Variants in ZNF655 observed in about 807,000 individuals in gnomAD.
ZNF655 encodes zinc finger protein 655.
Under a neutral mutation model 6.6 loss-of-function variants are expected in ZNF655, and 3 were observed. That is an observed-to-expected ratio of 0.46 (90% confidence interval 0.21 to 1.18). The LOEUF (loss-of-function observed/expected upper bound fraction) is 1.18. Among genes scored for constraint, ZNF655 ranks in the 50% most tolerant of loss-of-function variants. The pLI is 0.24. For synonymous variants in ZNF655, 178 were observed against 195.0 expected (o/e 0.91, Z 0.73); for missense variants, 526 against 572.3 (o/e 0.92, Z 0.83).
rs1343576187 is a variant in ZNF655 at position 99,572,435 on chromosome 7, GGA to G, written c.335_336del (p.Glu112ValfsTer2). ...AAATTCTAAGGAAATTTCTGTACCT[GGA>G]GAGAGAGTTTAGGCAAATAACAATC... Reference protein sequence around the residue: ...QEILRKFLYLEREFRQITISK... With the variant: ...QEILRKFLYLXREFRQITISK... On this transcript the variant is annotated frameshift_variant, in exon 3 of 3. Transcript: ENST00000252713. LOFTEE classifies it low-confidence loss of function (END_TRUNC). 6.2e-7 allele frequency: 1 copy of G among 1,613,832 alleles called. No homozygotes were observed. The highest frequency in any genetic ancestry group is 8.5e-7 in the Non-Finnish European group (1 of 1,179,906).
chr7:99,564,780 A>T, intron 2 of ZNF655: 6 of 889,062 alleles, frequency 6.7e-6, no homozygotes, highest in Non-Finnish European at 8.1e-6. Flanking sequence ...CTATAGACTG[A>T]ACTTTATCCC....
rs762126543 is a variant in ZNF655, at chr7:99,572,443, A to C, written c.335A>C (p.Glu112Ala). ...ILRKFLYLER[E>A]FRQITISKET... ...AGGAAATTTCTGTACCTGGAGAGAG[A>C]GTTTAGGCAAATAACAATCAGCAAG... Residue 112 changes from glutamate to alanine, a missense_variant, in exon 3 of 3, where the codon GAG (glutamate) becomes GCG (alanine). Coordinates refer to ENST00000252713, the MANE Select transcript of ZNF655 (RefSeq NM_138494.3). 5 of 1,613,826 alleles carry C rather than the reference A, an allele frequency of 3.1e-6. No homozygotes were observed. The highest frequency in any genetic ancestry group is 3.3e-4 in the Middle Eastern group (2 of 6,056).
At chr7:99,571,938 A>T in intron 2 of ZNF655, 1 of 607,526 alleles carries the variant, frequency 1.6e-6, no homozygotes, top group South Asian at 2.5e-5. Context: ...AGTTAGGTTG[A>T]CCCTTTCCAT....
At chr7:99,564,001 A>G (rs1367526755) in intron 2 of ZNF655, 3 of 1,613,654 alleles carry the variant, frequency 1.9e-6, no homozygotes, top group Non-Finnish European at 2.5e-6. Context: ...TGGCCCAAGT[A>G]TCGGCTTCCC....
chr7:99,571,886 C>T (rs1029072953), intron 2 of ZNF655: 7 of 796,454 alleles, frequency 8.8e-6, no homozygotes, highest in African/African-American at 6.9e-5. Flanking sequence ...ATGAAGAGCT[C>T]TGTGTGTGTC....
chr7:99,568,320 G>A (rs1463921904), intron 2 of ZNF655, among the ~76,000 whole-genome samples: 2 of 145,572 alleles, frequency 1.4e-5, no homozygotes, highest in African/African-American at 5.1e-5. Flanking sequence ...GCGTGATCTC[G>A]GCTCACTGCA....
intron 2 of ZNF655, among the ~76,000 whole-genome samples, chr7:99,568,115 A>G (rs1357203823): frequency 6.6e-6 from 1 of 152,014 alleles, no homozygotes; most frequent in East Asian, 1.9e-4. Flanking sequence ...AGTTACTTTA[A>G]TATTTTGGAA....
chr7:99,573,555 C>T lies in ZNF655; in HGVS notation c.1447C>T (p.Gln483Ter), dbSNP rs1804238510. 6.2e-7 allele frequency: 1 copy of T among 1,605,552 alleles called. No individual in the cohort carries two copies. The highest frequency in any genetic ancestry group is 1.7e-5 in the Admixed American group (1 of 59,986). ...TCAGAGAGCACATCTAGTTCAACAT[C>T]AGAGCATTCATACCAAAGAGAACTC... The part of the protein sequence containing the change: ...SSQRAHLVQH[Q>*]SIHTKENS The change falls in exon 3 of 3, where the codon CAG becomes TAG. Residue 483 changes from glutamine (Q) to a stop codon, truncating the protein, a stop_gained. Transcript: ENST00000252713. LOFTEE classifies it high-confidence loss of function.
chr7:99,568,863 C>T (rs929721078), intron 2 of ZNF655, among the ~76,000 whole-genome samples: 3 of 152,156 alleles, frequency 2.0e-5, no homozygotes, highest in African/African-American at 7.2e-5. Flanking sequence ...TGGCTCTCTG[C>T]AGCCTCGGCC....
Position 99,575,548 on chromosome 7 carries a change from AAAAAAC to A in ZNF655, c.*1976_*1981del, listed in dbSNP as rs1804349407. The A allele has an allele frequency of 1.3e-5, 2 of 149,362 alleles. No individual in the cohort carries two copies. Among genetic ancestry groups the A allele is most frequent in the African/African-American group, 2.5e-5 (1 of 39,386 alleles). 9.3% of individuals were successfully genotyped at this position (149,362 alleles called of 1,614,324 possible). A position where few individuals can be genotyped will look rare whatever the true frequency, so the allele number is the denominator to read the frequency against. On this transcript the variant is annotated 3_prime_UTR_variant, in exon 3 of 3. Transcript: ENST00000252713. ...CAGGACTCTCTCTCAAAAAAACACA[AAAAAAC>A]AAAAACAAAAAACCATACACACACA...
At chr7:99,566,808 G>A (rs1243709847) in intron 2 of ZNF655, among the ~76,000 whole-genome samples, 1 of 152,178 alleles carries the variant, frequency 6.6e-6, no homozygotes, top group Non-Finnish European at 1.5e-5. Context: ...GCATGCCTCA[G>A]CTCCCCAGAG....
At chr7:99,562,030 G>T (rs961079812) in intron 2 of ZNF655, 4 of 1,418,434 alleles carry the variant, frequency 2.8e-6, no homozygotes, top group East Asian at 5.2e-5. Context: ...ATGGAGTGTG[G>T]CCTCTCTCTC....
chr7:99,566,519 A>G (rs538020548), intron 2 of ZNF655, among the ~76,000 whole-genome samples: 2 of 152,250 alleles, frequency 1.3e-5, no homozygotes. Context: ...GGCTAAAAGC[A>G]TAGCCGTAGT....
chr7:99,563,311 T>A (rs1269028182), intron 2 of ZNF655: 1 of 209,816 alleles, frequency 4.8e-6, no homozygotes, highest in Non-Finnish European at 9.5e-6. Context: ...TATATTATAT[T>A]ATATTTTTTA....
At chr7:99,563,756 C>T in intron 2 of ZNF655, 1 of 1,336,026 alleles carries the variant, frequency 7.5e-7, no homozygotes, top group Non-Finnish European at 1.0e-6. Flanking sequence ...TGCTTTGTCT[C>T]CCTGATTATG....
At chr7:99,563,696 CTTTTT>C (rs111763239) in intron 2 of ZNF655, among the ~76,000 whole-genome samples, 1 of 145,904 alleles carries the variant, frequency 6.9e-6, no homozygotes, top group South Asian at 2.2e-4. Context: ...ATTTTCTTTT[CTTTTT>C]TTTTTTTCCG....
In ZNF655 at chr7:99,575,760, AG is replaced by A. The variant is rs1804361717; in HGVS notation, c.*2177del. On this transcript the variant is annotated 3_prime_UTR_variant, in exon 3 of 3. Transcript: ENST00000252713. ...TGCTCCTCTCTCATCAATCCAGGAC[AG>A]TATTTGAAGTGTGAGGGCTTTGTGT... The A allele has an allele frequency of 2.0e-5, 3 of 152,318 alleles. No individual in the cohort carries two copies. Among genetic ancestry groups the A allele is most frequent in the African/African-American group, 7.2e-5 (3 of 41,558 alleles). 9.4% of individuals were successfully genotyped at this position (152,318 alleles called of 1,614,324 possible).
intron 1 of ZNF655, among the ~76,000 whole-genome samples, chr7:99,560,314 C>G (rs1406994012): frequency 6.6e-6 from 1 of 151,878 alleles, no homozygotes; most frequent in Non-Finnish European, 1.5e-5. Context: ...GAACTCCTGA[C>G]CTCAAGTGAT....
chr7:99,569,429 A>AT (rs1225216440), intron 2 of ZNF655, among the ~76,000 whole-genome samples: 3 of 151,464 alleles, frequency 2.0e-5, no homozygotes, highest in Non-Finnish European at 4.4e-5. Flanking sequence ...GTCATTATTT[A>AT]TTTTTTTTCA....
Sources: gnomAD v4.1 joint callset for allele counts (sites outside exome capture counted in the v4.1 genomes callset) on GRCh38, gnomAD v4.1.1 for gene constraint, MANE v1.5 for transcripts, NCBI Gene and HGNC (gene_info 2026-07-23, HGNC 2026-07-21) for gene names.